SPTAN1: variants seen among roughly 807,000 people sequenced by gnomAD.
The protein encoded by SPTAN1 is spectrin alpha chain, non-erythrocytic 1.
A neutral mutation model predicts 331.3 loss-of-function variants in SPTAN1; 61 were observed. The ratio of observed to expected loss-of-function variants is 0.18; its 90% CI spans 0.15 to 0.23. The LOEUF (loss-of-function observed/expected upper bound fraction) is 0.23, where lower values mean the gene tolerates loss of function less well. Ranked by LOEUF, SPTAN1 falls within the 10% of genes least tolerant of loss-of-function variation. The pLI, the probability that SPTAN1 is intolerant of heterozygous loss-of-function variation, is 1.00. For synonymous variants in SPTAN1, 1,153 were observed against 1,173.9 expected, an observed-to-expected ratio of 0.98 and a Z score of 0.36; for missense variants, 2,043 against 3,147.9, an observed-to-expected ratio of 0.65 and a Z score of 8.40.
At position 128,632,231 on chromosome 9, in the gene SPTAN1, G is replaced by A. The variant is rs376500539; in HGVS notation, c.6867G>A (p.Glu2289=). Residue 2289 remains glutamate, a synonymous_variant, in exon 53 of 57, where the codon GAG becomes GAA. Transcript: ENST00000372739. ...EALILDNKYT[E]HSTVGLAQQW... The stretch of plus-strand genomic sequence containing the variant: ...TCATCCTGGACAACAAGTACACGGA[G>A]CACAGCACCGTGGGCCTCGCCCAGC... The A allele has an allele frequency of 2.5e-6, 4 of 1,613,484 alleles. No homozygotes were observed. The highest frequency in any genetic ancestry group is 2.7e-5 in the African/African-American group (2 of 75,046).
intron 3 of SPTAN1, among the ~76,000 whole-genome samples, chr9:128,570,411 C>T (rs1373953321): frequency 6.7e-6 from 1 of 148,552 alleles, no homozygotes; most frequent in Non-Finnish European, 1.5e-5. Flanking sequence ...GATCTCAGCT[C>T]ACTGCAACCT....
At chr9:128,595,514 A>G (rs1037823896) in intron 24 of SPTAN1, among the ~76,000 whole-genome samples, 1 of 152,198 alleles carries the variant, frequency 6.6e-6, no homozygotes, top group Non-Finnish European at 1.5e-5. Context: ...GAACTTTTCT[A>G]AGCCTAAACT....
At chr9:128,609,468 C>T in intron 36 of SPTAN1, 183 bp from the exon 37 acceptor site, 2 of 1,023,184 alleles carry the variant, frequency 2.0e-6, no homozygotes, top group Non-Finnish European at 2.9e-6. Context: ...AGTTGCCTTC[C>T]TCATTTGTCT....
At chr9:128,594,020 G>A (rs1853887852) in intron 23 of SPTAN1, 155 bp from the exon 24 acceptor site, 2 of 743,620 alleles carry the variant, frequency 2.7e-6, no homozygotes, top group Admixed American at 2.0e-5. Flanking sequence ...TGGGATCCTC[G>A]TCTTCATCTG....
intron 1 of SPTAN1, among the ~76,000 whole-genome samples, chr9:128,561,258 A>G (rs1444192688): frequency 2.0e-5 from 3 of 151,776 alleles, no homozygotes; most frequent in Non-Finnish European, 4.4e-5. Context: ...TTGTAGTCCC[A>G]GCTACTCGGG....
At chr9:128,572,770 C>T (rs1850880976) in intron 3 of SPTAN1, among the ~76,000 whole-genome samples, 1 of 152,150 alleles carries the variant, frequency 6.6e-6, no homozygotes, top group Admixed American at 6.5e-5. Context: ...TCACACCATA[C>T]CGGACAGCGT....
intron 55 of SPTAN1, 44 bp from the exon 56 acceptor site, chr9:128,632,764 C>T (rs1338251634): frequency 1.2e-6 from 2 of 1,614,028 alleles, no homozygotes; most frequent in Admixed American, 3.3e-5. Context: ...CCCGGGGCAC[C>T]CACCTGCCCT....
chr9:128,627,987 C>A lies in SPTAN1; in HGVS notation c.6707+45C>A, dbSNP rs1352562410. The A allele has an allele frequency of 6.2e-7, 1 of 1,613,418 alleles. No homozygotes were observed. Among genetic ancestry groups the A allele is most frequent in the Admixed American group, 1.7e-5 (1 of 60,024 alleles). ...TTCTCTGGGCTTGTCATGTGGGGGT[C>A]TCGTGCGCTTGCCCCTCGTGGCCTG... is the stretch of plus-strand genomic sequence containing the variant. On this transcript the variant is annotated intron_variant, in intron 51 of 56. Coordinates refer to ENST00000372739, the MANE Select transcript of SPTAN1 (RefSeq NM_001130438.3). The surrounding 1 kb of genome is among the most constrained non-coding windows in gnomAD (Gnocchi z 4.9).
At position 128,582,827 on chromosome 9, in the gene SPTAN1, C is replaced by T; in HGVS notation, c.1784C>T (p.Thr595Ile). The T allele has an allele frequency of 1.2e-6, 2 of 1,613,374 alleles. No individual in the cohort carries two copies. Among genetic ancestry groups the T allele is most frequent in the Non-Finnish European group, 1.7e-6 (2 of 1,180,028 alleles). The change falls in exon 14 of 57, where the codon ACT (threonine) becomes ATT (isoleucine). Residue 595 changes from threonine to isoleucine, a missense_variant. Around this residue, in one of 12 missense-constraint regions of SPTAN1, gnomAD observed 1,038 missense variants for 1,531.5 expected, o/e 0.68. Coordinates refer to ENST00000372739, the MANE Select transcript of SPTAN1 (RefSeq NM_001130438.3). ...AGTTGGGTCAATGAGAAGATGAAAA[C>T]TGCCACAGATGAAGCTTATAAAGTA... ...LKSWVNEKMKTATDEAYKDPS... is the reference protein window; with the variant it reads ...LKSWVNEKMKIATDEAYKDPS...
At chr9:128,600,190 T>G in intron 27 of SPTAN1, 75 bp downstream of exon 27, 1 of 1,487,836 alleles carries the variant, frequency 6.7e-7, no homozygotes. Flanking sequence ...CTGGTGTGCC[T>G]TTCTCTGAAT....
In SPTAN1 at chr9:128,628,246, G is replaced by A. The variant is rs1038098039; in HGVS notation, c.6707+304G>A. 12 of 543,986 alleles carry A rather than the reference G, an allele frequency of 2.2e-5. 1 individual carries two copies. In the African/African-American group the frequency reaches 2.2e-4, roughly 10 times the overall value. 33.7% of individuals were successfully genotyped at this position (543,986 alleles called of 1,614,324 possible). On this transcript the variant is annotated intron_variant, in intron 51 of 56. Transcript: ENST00000372739. ...CGAAGGCCAGAGCTGGAGTCCAGAG[G>A]CCCTAAGAACCCCCGTGCCTGTCCA...
At chr9:128,565,131 C>T (rs1026988810) in intron 1 of SPTAN1, among the ~76,000 whole-genome samples, 5 of 152,066 alleles carry the variant, frequency 3.3e-5, no homozygotes, top group Non-Finnish European at 7.4e-5. Context: ...GGTGAAACCC[C>T]ATCTCTACGA....
At chr9:128,584,113 C>A in intron 16 of SPTAN1, 144 bp downstream of exon 16, 1 of 1,433,684 alleles carries the variant, frequency 7.0e-7, no homozygotes, top group Non-Finnish European at 9.6e-7. Context: ...GCATGTGCTT[C>A]TGCTCAAATT....
chr9:128,595,545 CT>C lies in SPTAN1; in HGVS notation c.3414+1182del, dbSNP rs903289748. Among the ~76,000 whole-genome samples, 45 of 149,660 alleles carry C rather than the reference CT, an allele frequency of 3.0e-4. 1 individual carries two copies. The highest frequency in any genetic ancestry group is 6.3e-4 in the South Asian group (3 of 4,754). On this transcript the variant is annotated intron_variant, in intron 24 of 56. Transcript: ENST00000372739. Reference sequence around the variant, plus strand: ...AAACTACAATAGATGTGAAAGTACTCTTTTTTTTTTAATTGGGGTAAATTCA... The same window carrying C: ...AAACTACAATAGATGTGAAAGTACTCTTTTTTTTTAATTGGGGTAAATTCA...
At chr9:128,621,329 CA>C in intron 45 of SPTAN1, 73 bp downstream of exon 45, 2 of 1,328,964 alleles carry the variant, frequency 1.5e-6, no homozygotes, top group Non-Finnish European at 2.1e-6. Flanking sequence ...AGAGGTCCCC[CA>C]AAGTTCACTT....
intron 28 of SPTAN1, among the ~76,000 whole-genome samples, chr9:128,604,000 C>G (rs1293209320): frequency 6.6e-6 from 1 of 152,194 alleles, no homozygotes; most frequent in African/African-American, 2.4e-5. Flanking sequence ...GATTTCTCCA[C>G]GCAGCTGTGA....
At chr9:128,594,436 T>TTTC in intron 24 of SPTAN1, 63 bp downstream of exon 24, 3 of 1,431,548 alleles carry the variant, frequency 2.1e-6, no homozygotes, top group Non-Finnish European at 2.9e-6. Flanking sequence ...TTGATTTTTT[T>TTTC]TTTTTTTTTT....
intron 27 of SPTAN1, among the ~76,000 whole-genome samples, 189 bp downstream of exon 27, chr9:128,600,304 T>C (rs1369925592): frequency 1.3e-5 from 2 of 152,214 alleles, no homozygotes; most frequent in Non-Finnish European, 2.9e-5. Flanking sequence ...GCAGAGTGTC[T>C]GTCAAATGCT....
Position 128,566,863 on chromosome 9 carries a change from A to C in SPTAN1, c.123A>C (p.Glu41Asp). 1 of 1,614,238 alleles carries C rather than the reference A, an allele frequency of 6.2e-7. No individual in the cohort carries two copies. The highest frequency in any genetic ancestry group is 8.5e-7 in the Non-Finnish European group (1 of 1,180,042). Residue 41 changes from glutamate (E) to aspartate (D), a missense_variant, in exon 2 of 57, where the codon GAA becomes GAC. By Grantham distance (45) the Glu-to-Asp change is conservative. Coordinates refer to ENST00000372739, the MANE Select transcript of SPTAN1 (RefSeq NM_001130438.3). ...CAACCCTTAGGCGTCAGAAGCTGGAAGATTCCTATCGATTCCAGTTCTTTC... is the reference window on the plus strand; with the variant it reads ...CAACCCTTAGGCGTCAGAAGCTGGACGATTCCTATCGATTCCAGTTCTTTC... ...ELSTLRRQKLEDSYRFQFFQR... is the reference protein window; with the variant it reads ...ELSTLRRQKLDDSYRFQFFQR...
Sources: allele counts gnomAD v4.1 joint callset (sites outside exome capture counted in the v4.1 genomes callset), GRCh38; gene constraint gnomAD v4.1.1; regional missense constraint gnomAD v4.1.1; non-coding constraint Gnocchi (gnomAD v3.1); transcripts MANE v1.5; gene names NCBI Gene and HGNC (gene_info 2026-07-23, HGNC 2026-07-21).